Variants in CACNA1B observed in about 807,000 individuals in gnomAD.
CACNA1B encodes calcium voltage-gated channel subunit alpha1 B.
In CACNA1B, 70 loss-of-function variants were observed where a neutral mutation model predicts 247.2. The ratio of observed to expected loss-of-function variants is 0.28; its 90% CI spans 0.23 to 0.35. CACNA1B has a LOEUF of 0.35. Among genes scored for constraint, CACNA1B ranks in the 10% least tolerant of loss-of-function variants. The probability of loss-of-function intolerance (pLI) is 1.00; values close to 1 mark genes in which losing one functional copy is unlikely to be tolerated. For missense variants in CACNA1B, 2,367 were observed against 3,197.4 expected, an observed-to-expected ratio of 0.74 and a Z score of 6.26; for synonymous variants, 1,231 against 1,294.4, an observed-to-expected ratio of 0.95 and a Z score of 1.05.
intron 36 of CACNA1B, among the ~76,000 whole-genome samples, chr9:138,094,362 T>A (rs1346746862): frequency 6.6e-6 from 1 of 151,002 alleles, no homozygotes; most frequent in East Asian, 1.9e-4. Flanking sequence ...CACAACAGTG[T>A]GAATATACTT....
Position 137,929,897 on chromosome 9 carries a change from T to C in CACNA1B, c.966+12466T>C, listed in dbSNP as rs138397456. 4.5e-3 allele frequency among the ~76,000 whole-genome samples: 684 copies of C among 152,182 alleles called. 5 individuals carry two copies. Among genetic ancestry groups the C allele is most frequent in the African/African-American group, 0.015 (641 of 41,542 alleles). ...TCAAGCTCCTGGGCTCAGGCGATTC[T>C]CCCTCCTCAGCCTCCGAAGTAGCAA... is the stretch of plus-strand genomic sequence containing the variant. On this transcript the variant is annotated intron_variant, in intron 6 of 46. Coordinates refer to ENST00000371372, the MANE Select transcript of CACNA1B (RefSeq NM_000718.4).
chr9:138,000,354 TC>T (rs1480021353), intron 15 of CACNA1B, among the ~76,000 whole-genome samples: 1 of 152,142 alleles, frequency 6.6e-6, no homozygotes, highest in Non-Finnish European at 1.5e-5. Flanking sequence ...CGCCTTGGCC[TC>T]CCAAAGTGCT....
chr9:137,908,415 C>G (rs1957320922), intron 3 of CACNA1B, among the ~76,000 whole-genome samples: 1 of 151,668 alleles, frequency 6.6e-6, no homozygotes, highest in Admixed American at 6.6e-5. Context: ...ACTCGGGAGG[C>G]TGAGGCAGGA....
Position 138,115,535 on chromosome 9 carries a change from C to T in CACNA1B, c.5650-17C>T. 1 of 1,609,950 alleles carries T rather than the reference C, an allele frequency of 6.2e-7. No individual in the cohort carries two copies. Among genetic ancestry groups the T allele is most frequent in the Non-Finnish European group, 8.5e-7 (1 of 1,178,108 alleles). Reference sequence around the variant, plus strand: ...GGCCCATTGGAGCTCTTTCCCTTCCCTTTGCCTCCTTTGCAGATGGGTCCT... The same window carrying T: ...GGCCCATTGGAGCTCTTTCCCTTCCTTTTGCCTCCTTTGCAGATGGGTCCT... On this transcript the variant is annotated splice_polypyrimidine_tract_variant and intron_variant, in intron 41 of 46. Transcript: ENST00000371372.
At chr9:137,949,523 T>C (rs1188904192) in intron 6 of CACNA1B, among the ~76,000 whole-genome samples, 1 of 151,566 alleles carries the variant, frequency 6.6e-6, no homozygotes, top group Non-Finnish European at 1.5e-5. Context: ...TGTCTGTGTG[T>C]GATGTGTGTC....
intron 1 of CACNA1B, among the ~76,000 whole-genome samples, chr9:137,878,666 A>G (rs1230181801): frequency 6.6e-6 from 1 of 152,056 alleles, no homozygotes; most frequent in East Asian, 1.9e-4. Flanking sequence ...CTGTGTAGGT[A>G]CATGTGGCTG....
intron 3 of CACNA1B, among the ~76,000 whole-genome samples, chr9:137,911,861 C>T (rs961560728): frequency 2.0e-5 from 3 of 152,156 alleles, no homozygotes; most frequent in Non-Finnish European, 4.4e-5. Context: ...GTTGGTGACC[C>T]GGACGTGGCA....
chr9:137,942,034 G>A lies in CACNA1B; in HGVS notation c.967-10240G>A, dbSNP rs186889028. ...CACAGCAAAAGAAACAGTCGGCAGA[G>A]TAAACAGACAACCCACAGAGTGGGA... On this transcript the variant is annotated intron_variant, in intron 6 of 46. Transcript: ENST00000371372. 1.7e-3 allele frequency among the ~76,000 whole-genome samples: 253 copies of A among 152,336 alleles called. 1 individual carries two copies. The highest frequency in any genetic ancestry group is 4.4e-3 in the Admixed American group (67 of 15,306).
intron 23 of CACNA1B, 28 bp from the exon 24 acceptor site, chr9:138,049,181 G>A (rs558062367): frequency 7.1e-6 from 10 of 1,400,050 alleles, no homozygotes; most frequent in African/African-American, 4.2e-5. Context: ...GGACTATGAC[G>A]TATCTAACGT....
chr9:137,942,345 G>T (rs960756777), intron 6 of CACNA1B, among the ~76,000 whole-genome samples: 1 of 152,246 alleles, frequency 6.6e-6, no homozygotes, highest in African/African-American at 2.4e-5. Context: ...CATGGATGCG[G>T]TGAACAGGGA....
intron 6 of CACNA1B, among the ~76,000 whole-genome samples, chr9:137,921,369 G>A (rs375117312): frequency 1.6e-5 from 2 of 122,578 alleles, no homozygotes; most frequent in African/African-American, 3.1e-5. Context: ...CAGCACCACG[G>A]CCGCGCAGCA....
rs774954122 is a variant in CACNA1B at position 137,990,789 on chromosome 9, C to T, written c.1974+3935C>T. On this transcript the variant is annotated intron_variant, in intron 15 of 46. Transcript: ENST00000371372. This position sits in a 1 kb window ranked among gnomAD's most constrained non-coding sequence, Gnocchi z 4.5. ...ATCACATCACAGGACTCTTGACAGACACTCCCCAGTACCAGCCTGAAGCCT... is the reference window on the plus strand; with the variant it reads ...ATCACATCACAGGACTCTTGACAGATACTCCCCAGTACCAGCCTGAAGCCT... Among the ~76,000 whole-genome samples, 2 of 152,334 alleles carry T rather than the reference C, an allele frequency of 1.3e-5. No individual in the cohort carries two copies. The highest frequency in any genetic ancestry group is 2.9e-5 in the Non-Finnish European group (2 of 68,026).
At chr9:137,893,510 G>A (rs561683868) in intron 3 of CACNA1B, among the ~76,000 whole-genome samples, 107 of 151,804 alleles carry the variant, frequency 7.0e-4, no homozygotes, top group African/African-American at 2.5e-3. Context: ...AATGAGCCGG[G>A]CAAGGTGGCA....
intron 15 of CACNA1B, among the ~76,000 whole-genome samples, chr9:137,993,728 T>C (rs1564226630): frequency 6.6e-6 from 1 of 151,900 alleles, no homozygotes; most frequent in African/African-American, 2.4e-5. Context: ...CAAAATAAAG[T>C]CCAGGACCAG....
rs879084940 is a variant in CACNA1B, at chr9:137,956,653, C to CAA, written c.1187-102_1187-101dup. On this transcript the variant is annotated intron_variant, in intron 8 of 46. Transcript: ENST00000371372. ...TGGGTGACAGAGCGAGACTCCATCTCAAAAAAAAAAAAAAAAAGAGCTGAG... is the reference window on the plus strand; with the variant it reads ...TGGGTGACAGAGCGAGACTCCATCTCAAAAAAAAAAAAAAAAAAAGAGCTGAG... 8.8e-3 allele frequency: 4,392 copies of CAA among 497,962 alleles called. 17 individuals carry two copies. The highest frequency in any genetic ancestry group is 0.037 in the African/African-American group (1,233 of 33,762). 30.8% of individuals were successfully genotyped at this position (497,962 alleles called of 1,614,324 possible). A position where few individuals can be genotyped will look rare whatever the true frequency, so the allele number is the denominator to read the frequency against.
At position 138,058,300 on chromosome 9, in the gene CACNA1B, A is replaced by G. The variant is rs759683793; in HGVS notation, c.4308+50A>G. On this transcript the variant is annotated intron_variant, in intron 28 of 46. Coordinates refer to ENST00000371372, the MANE Select transcript of CACNA1B (RefSeq NM_000718.4). This position sits in a 1 kb window ranked among gnomAD's most constrained non-coding sequence, Gnocchi z 4.7. ...TGCAGTGGACAGCGTGGGCAGCGCC[A>G]TCAGGCTTCCCTCCTGCACACAAAT... 4 of 1,454,684 alleles carry G rather than the reference A, an allele frequency of 2.7e-6. No homozygotes were observed. The highest frequency in any genetic ancestry group is 2.9e-6 in the Non-Finnish European group (3 of 1,039,008). 90.1% of individuals were successfully genotyped at this position (1,454,684 alleles called of 1,614,324 possible).
rs778810624 is a variant in CACNA1B, at chr9:137,986,787, A to G, written c.1907A>G (p.Asn636Ser). The G allele has an allele frequency of 8.7e-6, 14 of 1,613,356 alleles. No individual in the cohort carries two copies. Among genetic ancestry groups the G allele is most frequent in the Admixed American group, 3.3e-5 (2 of 60,012 alleles). Residue 636 changes from asparagine to serine, a missense_variant, in exon 15 of 47, where the codon AAC (asparagine) becomes AGC (serine). Physicochemically the swap from Asn to Ser is conservative, Grantham distance 46. This residue lies in a region of CACNA1B where 76 missense variants were observed against 191.0 expected (regional missense o/e 0.40). Coordinates refer to ENST00000371372, the MANE Select transcript of CACNA1B (RefSeq NM_000718.4). The surrounding 1 kb of genome is among the most constrained non-coding windows in gnomAD (Gnocchi z 6.0). ...AGCCTTCCTGTTTTCCTCAGGTTCA[A>G]CTTCCAGGATGAGACTCCCACAACC... ...LGMQLFGGQF[N>S]FQDETPTTNF...
intron 10 of CACNA1B, among the ~76,000 whole-genome samples, chr9:137,969,406 A>G (rs1409604163): frequency 6.6e-6 from 1 of 152,144 alleles, no homozygotes; most frequent in Non-Finnish European, 1.5e-5. Context: ...GTGCACAGGA[A>G]GATGTGTGTG....
At chr9:137,926,352 G>A (rs1271533730) in intron 6 of CACNA1B, among the ~76,000 whole-genome samples, 1 of 152,190 alleles carries the variant, frequency 6.6e-6, no homozygotes, top group Middle Eastern at 3.2e-3. Context: ...ACAGGTGTAA[G>A]CCACTGCGCC....
Sources: gnomAD v4.1 joint callset for allele counts (sites outside exome capture counted in the v4.1 genomes callset) on GRCh38, gnomAD v4.1.1 for gene constraint, gnomAD v4.1.1 regional missense constraint, Gnocchi (gnomAD v3.1) non-coding constraint, MANE v1.5 for transcripts, NCBI Gene and HGNC (gene_info 2026-07-23, HGNC 2026-07-21) for gene names.